Variants in RAD54B observed in about 807,000 individuals in gnomAD.
The protein encoded by RAD54B is RAD54 homolog B.
RAD54B carries 78 observed loss-of-function variants against 95.8 expected under a neutral mutation model. The observed-to-expected ratio is 0.81, with a 90% CI of 0.68 to 0.98. RAD54B has a LOEUF of 0.98. RAD54B is among the 50% of genes least tolerant of loss of function. RAD54B has a pLI of 0.00. For missense variants in RAD54B, 957 were observed against 1,056.6 expected (o/e 0.91, Z 1.31); for synonymous variants, 328 against 354.9 (o/e 0.92, Z 0.85).
At chr8:94,419,816 C>T (rs932476460) in intron 3 of RAD54B, among the ~76,000 whole-genome samples, 2 of 150,420 alleles carry the variant, frequency 1.3e-5, no homozygotes, top group African/African-American at 4.9e-5. Context: ...TTGAAATAAG[C>T]CCACTCACAC....
chr8:94,403,273 T>G (rs1811303515), intron 6 of RAD54B, among the ~76,000 whole-genome samples: 1 of 152,224 alleles, frequency 6.6e-6, no homozygotes, highest in African/African-American at 2.4e-5. Context: ...TGTTTTTTTG[T>G]GTCCTCTAAA....
At chr8:94,435,330 T>C (rs34331484) in intron 3 of RAD54B, among the ~76,000 whole-genome samples, 1 of 152,090 alleles carries the variant, frequency 6.6e-6, no homozygotes, top group South Asian at 2.1e-4. Flanking sequence ...AAGCAGTATC[T>C]GGTAAGAAGC....
chr8:94,411,418 TAAGA>T, intron 3 of RAD54B, 103 bp from the exon 4 acceptor site: 1 of 823,262 alleles, frequency 1.2e-6, no homozygotes, highest in Non-Finnish European at 1.8e-6. Context: ...TAGATTATAT[TAAGA>T]AATAGTATGA....
Position 94,407,589 on chromosome 8 carries a change from C to T in RAD54B, c.631G>A (p.Gly211Arg), listed in dbSNP as rs150711132. ...DFSSGRCFQL[G>R]GGSTAISHSS... is the part of the protein sequence containing the mutation. ...TGCGAGATAGCAGTACTTCCTCCTC[C>T]AAGCTGAAAACACCTGCCACTGCTG... Residue 211 changes from glycine to arginine, a missense_variant, in exon 5 of 15, where the codon GGA becomes AGA. Transcript: ENST00000336148. The T allele has an allele frequency of 8.1e-6, 13 of 1,613,960 alleles. No individual in the cohort carries two copies. The highest frequency in any genetic ancestry group is 1.0e-5 in the Non-Finnish European group (12 of 1,179,926).
At chr8:94,413,437 A>C (rs1383513078) in intron 3 of RAD54B, among the ~76,000 whole-genome samples, 1 of 152,220 alleles carries the variant, frequency 6.6e-6, no homozygotes, top group African/African-American at 2.4e-5. Flanking sequence ...GTAGGGAAGC[A>C]AATTCAATGA....
intron 2 of RAD54B, among the ~76,000 whole-genome samples, chr8:94,463,768 AT>A (rs1413659380): frequency 6.6e-6 from 1 of 151,940 alleles, no homozygotes; most frequent in Non-Finnish European, 1.5e-5. Flanking sequence ...CTCTAAAAAA[AT>A]TTAAAAATGA....
intron 3 of RAD54B, among the ~76,000 whole-genome samples, chr8:94,422,653 T>TAA (rs1554606273): frequency 1.2e-5 from 1 of 86,228 alleles, no homozygotes; most frequent in East Asian, 3.8e-4. Flanking sequence ...TATATATATA[T>TAA]AAAATTATCA....
At chr8:94,437,066 G>T in intron 3 of RAD54B, 1 of 1,084,428 alleles carries the variant, frequency 9.2e-7, no homozygotes, top group Non-Finnish European at 1.2e-6. Context: ...AGCCAAGCCT[G>T]ACCTACATAA....
rs1226351134 is a variant in RAD54B at position 94,411,318 on chromosome 8, A to G, written c.305-3T>C. On this transcript the variant is annotated splice_region_variant and splice_polypyrimidine_tract_variant and intron_variant, in intron 3 of 14. Transcript: ENST00000336148. Reference sequence around the variant, plus strand: ...TACTTCTTTAGGAGCCGAATGAACTACAATTAAAAAAAAAACACACATTAT... The same window carrying G: ...TACTTCTTTAGGAGCCGAATGAACTGCAATTAAAAAAAAAACACACATTAT... 1.3e-6 allele frequency: 2 copies of G among 1,553,142 alleles called. No individual in the cohort carries two copies. Among genetic ancestry groups the G allele is most frequent in the African/African-American group, 2.8e-5 (2 of 71,246 alleles).
chr8:94,469,162 A>C (rs1264396137), intron 1 of RAD54B, among the ~76,000 whole-genome samples: 3 of 151,462 alleles, frequency 2.0e-5, no homozygotes, highest in Non-Finnish European at 2.9e-5. Context: ...GTAAGATTTT[A>C]TTTTTCATCA....
chr8:94,436,700 C>T, intron 3 of RAD54B: 1 of 1,550,638 alleles, frequency 6.4e-7, no homozygotes, highest in Non-Finnish European at 8.7e-7. Context: ...CGGTCTACTC[C>T]AATTGCATTA....
Position 94,414,796 on chromosome 8 carries a change from A to C in RAD54B, c.305-3481T>G, listed in dbSNP as rs540877428. ...TTCAAAGAGAATAAAATACTTAGGAATCCAACTTACAAGGGACGTGAAGGA... is the reference window on the plus strand; with the variant it reads ...TTCAAAGAGAATAAAATACTTAGGACTCCAACTTACAAGGGACGTGAAGGA... On this transcript the variant is annotated intron_variant, in intron 3 of 14. Transcript: ENST00000336148. Among the ~76,000 whole-genome samples, 4 of 152,266 alleles carry C rather than the reference A, an allele frequency of 2.6e-5. No homozygotes were observed. In the South Asian group the frequency reaches 8.3e-4, roughly 32 times the overall value.
At chr8:94,433,441 T>TG (rs1812169813) in intron 3 of RAD54B, among the ~76,000 whole-genome samples, 1 of 151,878 alleles carries the variant, frequency 6.6e-6, no homozygotes, top group Non-Finnish European at 1.5e-5. Context: ...GTTGAATGAC[T>TG]GAAAAAAAAC....
At chr8:94,411,360 G>A (rs770397130) in intron 3 of RAD54B, 45 bp from the exon 4 acceptor site, 11 of 1,458,276 alleles carry the variant, frequency 7.5e-6, no homozygotes, top group Non-Finnish European at 1.0e-5. Flanking sequence ...TGACTTTAAT[G>A]TCTAAGTAGT....
chr8:94,423,348 C>T (rs2130076641), intron 3 of RAD54B, among the ~76,000 whole-genome samples: 1 of 152,304 alleles, frequency 6.6e-6, no homozygotes, highest in East Asian at 1.9e-4. Context: ...CGCCACTGCA[C>T]TCCAGACCAG....
intron 3 of RAD54B, 110 bp from the exon 4 acceptor site, chr8:94,411,425 T>C (rs1811528619): frequency 1.2e-6 from 1 of 806,262 alleles, no homozygotes; most frequent in Middle Eastern, 3.5e-4. Flanking sequence ...TATTAAGAAA[T>C]AGTATGAAAG....
At chr8:94,420,943 C>T (rs1321842548) in intron 3 of RAD54B, among the ~76,000 whole-genome samples, 3 of 151,558 alleles carry the variant, frequency 2.0e-5, no homozygotes, top group Non-Finnish European at 4.4e-5. Context: ...CGAGATCACA[C>T]CGCTGCACTC....
chr8:94,424,016 A>G (rs1563651299), intron 3 of RAD54B, among the ~76,000 whole-genome samples: 2 of 152,214 alleles, frequency 1.3e-5, no homozygotes, highest in Non-Finnish European at 1.5e-5. Context: ...GTATTGTATT[A>G]CCAGGGTCTA....
chr8:94,448,359 A>G (rs1586030994), intron 3 of RAD54B, among the ~76,000 whole-genome samples: 1 of 152,074 alleles, frequency 6.6e-6, no homozygotes, highest in African/African-American at 2.4e-5. Context: ...AGAACAGGGA[A>G]CCCTGTACAC....
Sources: allele counts gnomAD v4.1 joint callset (sites outside exome capture counted in the v4.1 genomes callset), GRCh38; gene constraint gnomAD v4.1.1; transcripts MANE v1.5; gene names NCBI Gene and HGNC (gene_info 2026-07-23, HGNC 2026-07-21).